The following PIBF1 variants were observed in gnomAD, a reference collection of about 807,000 sequenced individuals.
The protein encoded by PIBF1 is progesterone-induced-blocking factor 1.
Under a neutral mutation model 112.5 loss-of-function variants are expected in PIBF1, and 90 were observed. That is an observed-to-expected ratio of 0.80 (90% CI 0.67 to 0.95). PIBF1 has a LOEUF of 0.95. Ranked by LOEUF, PIBF1 falls within the 40% of genes least tolerant of loss-of-function variation. The probability of loss-of-function intolerance (pLI) is 0.00; values close to 1 mark genes in which losing one functional copy is unlikely to be tolerated. For missense variants in PIBF1, 915 were observed against 852.3 expected, an observed-to-expected ratio of 1.07 and a Z score of -0.92; for synonymous variants, 301 against 288.6, an observed-to-expected ratio of 1.04 and a Z score of -0.44.
chr13:72,919,621 CA>C (rs2041222500), intron 13 of PIBF1, among the ~76,000 whole-genome samples: 1 of 152,096 alleles, frequency 6.6e-6, no homozygotes, highest in Non-Finnish European at 1.5e-5. Flanking sequence ...AGGGAAAGGT[CA>C]TATTCTTTTC....
chr13:72,898,984 C>G (rs2040384755), intron 11 of PIBF1, among the ~76,000 whole-genome samples: 1 of 151,946 alleles, frequency 6.6e-6, no homozygotes, highest in African/African-American at 2.4e-5. Context: ...TTATTCAAGT[C>G]TACTGTGAAT....
chr13:73,013,250 G>C (rs112968136), intron 17 of PIBF1, among the ~76,000 whole-genome samples: 13 of 139,622 alleles, frequency 9.3e-5, no homozygotes, highest in African/African-American at 3.4e-4. Flanking sequence ...GCAGTGAGCC[G>C]AGATCGCGCC....
chr13:72,823,426 A>G (rs2036657286), intron 6 of PIBF1, among the ~76,000 whole-genome samples: 1 of 152,190 alleles, frequency 6.6e-6, no homozygotes, highest in Admixed American at 6.5e-5. Context: ...AAAGCATGAT[A>G]AGCATCTTTA....
chr13:72,931,229 G>A lies in PIBF1; in HGVS notation c.1795G>A (p.Glu599Lys). The part of the protein sequence containing the change: ...KQNSLILKDL[E>K]HRKDQVTQLS... ...AAACTCGCTGATTTTAAAAGATCTG[G>A]AACATCGAAAGGACCAAGTAACACA... Residue 599 changes from glutamate (E) to lysine (K), a missense_variant, in exon 14 of 18, where the codon GAA becomes AAA. Transcript: ENST00000326291. 6.2e-7 allele frequency: 1 copy of A among 1,612,942 alleles called. No individual in the cohort carries two copies. The highest frequency in any genetic ancestry group is 1.1e-5 in the South Asian group (1 of 90,992).
intron 15 of PIBF1, among the ~76,000 whole-genome samples, chr13:72,972,909 A>G (rs2042933616): frequency 6.6e-6 from 1 of 152,194 alleles, no homozygotes; most frequent in South Asian, 2.1e-4. Context: ...TATTACTTTC[A>G]GTTTTAAGGA....
intron 10 of PIBF1, chr13:72,881,224 A>G (rs1348823123): frequency 6.6e-6 from 1 of 151,994 alleles, no homozygotes; most frequent in Non-Finnish European, 1.5e-5. Flanking sequence ...CAATGATAGG[A>G]TCTTCTATTT....
chr13:72,957,284 T>G (rs1283745389), intron 14 of PIBF1, among the ~76,000 whole-genome samples: 1 of 151,864 alleles, frequency 6.6e-6, no homozygotes, highest in Non-Finnish European at 1.5e-5. Context: ...AGTCAATGAG[T>G]GGATAAAGAA....
chr13:72,998,894 A>G lies in PIBF1; in HGVS notation c.2122A>G (p.Lys708Glu), dbSNP rs778390254. Residue 708 changes from lysine to glutamate, a missense_variant, in exon 17 of 18, where the codon AAA (lysine) becomes GAA (glutamate). Coordinates refer to ENST00000326291, the MANE Select transcript of PIBF1 (RefSeq NM_006346.4). ...KHSENSLLLT[K>E]TEPKHVTENQ... ...TTCTGAGAACAGCTTACTTCTCACT[A>G]AAACAGAACCAAAACATGTGACAGA... 2 of 1,612,416 alleles carry G rather than the reference A, an allele frequency of 1.2e-6. No individual in the cohort carries two copies. Among genetic ancestry groups the G allele is most frequent in the Non-Finnish European group, 1.7e-6 (2 of 1,178,700 alleles).
chr13:72,932,765 T>A (rs2041750058), intron 14 of PIBF1, among the ~76,000 whole-genome samples: 1 of 152,254 alleles, frequency 6.6e-6, no homozygotes, highest in African/African-American at 2.4e-5. Context: ...TTTTTACCTT[T>A]GTTTTTAATA....
chr13:72,991,867 C>T (rs141037182), intron 16 of PIBF1, among the ~76,000 whole-genome samples: 1,835 of 152,182 alleles, frequency 0.012, 45 homozygotes, highest in African/African-American at 0.041. Flanking sequence ...TACAGGCGCC[C>T]GCCACCTCGC....
intron 9 of PIBF1, among the ~76,000 whole-genome samples, chr13:72,851,300 G>A (rs544240304): frequency 6.6e-6 from 1 of 152,318 alleles, no homozygotes; most frequent in Admixed American, 6.5e-5. Flanking sequence ...TTCCCCCACG[G>A]GTTCAGAAAT....
At chr13:72,832,063 A>G (rs2037142483) in intron 8 of PIBF1, among the ~76,000 whole-genome samples, 1 of 122,792 alleles carries the variant, frequency 8.1e-6, no homozygotes, top group African/African-American at 3.1e-5. Context: ...TTAGAATTGC[A>G]ATTCCGGCCT....
chr13:72,995,440 TAGAC>T (rs1352165385), intron 16 of PIBF1, among the ~76,000 whole-genome samples: 5 of 151,974 alleles, frequency 3.3e-5, no homozygotes, highest in African/African-American at 1.2e-4. Context: ...GGTGCATAAA[TAGAC>T]AGACTGTAGA....
At chr13:72,924,580 A>C (rs575350782) in intron 13 of PIBF1, among the ~76,000 whole-genome samples, 6 of 152,226 alleles carry the variant, frequency 3.9e-5, no homozygotes, top group Admixed American at 2.0e-4. Flanking sequence ...AAATGAGCCA[A>C]TCACCCTAAT....
intron 10 of PIBF1, among the ~76,000 whole-genome samples, chr13:72,867,589 A>G (rs2038980921): frequency 6.6e-6 from 1 of 152,198 alleles, no homozygotes. Context: ...CTTCACTATT[A>G]CAATGAGCTC....
intron 13 of PIBF1, among the ~76,000 whole-genome samples, chr13:72,927,943 GTGTATATATATATATACACA>G (rs1566457494): frequency 3.4e-4 from 29 of 86,364 alleles, no homozygotes; most frequent in African/African-American, 2.2e-3. Flanking sequence ...TAATATATGT[GTGTATATATATATATACACA>G]TATATATATA....
chr13:72,808,568 A>G (rs578032753), intron 5 of PIBF1, among the ~76,000 whole-genome samples: 3 of 152,292 alleles, frequency 2.0e-5, no homozygotes, highest in South Asian at 2.1e-4. Context: ...TACTCTGTCT[A>G]TTGGGCAGGT....
rs577511753 is a variant in PIBF1 at position 72,964,954 on chromosome 13, C to T, written c.1834-320C>T. Among the ~76,000 whole-genome samples, 365 of 152,058 alleles carry T rather than the reference C, an allele frequency of 2.4e-3. 1 individual carries two copies. The highest frequency in any genetic ancestry group is 8.2e-3 in the African/African-American group (341 of 41,470). ...GCAGGCACCTGTAATCCCAGCTACT[C>T]GGAAAGCTGAGGCAGGAGAATCACT... is the stretch of plus-strand genomic sequence containing the variant. On this transcript the variant is annotated intron_variant, in intron 14 of 17. Coordinates refer to ENST00000326291, the MANE Select transcript of PIBF1 (RefSeq NM_006346.4).
intron 17 of PIBF1, among the ~76,000 whole-genome samples, chr13:73,009,600 G>A (rs971495874): frequency 1.3e-5 from 2 of 152,220 alleles, no homozygotes; most frequent in Non-Finnish European, 2.9e-5. Flanking sequence ...TCCTAAAGGG[G>A]CCAGTCTTCT....
Sources: allele counts gnomAD v4.1 joint callset (sites outside exome capture counted in the v4.1 genomes callset), GRCh38; gene constraint gnomAD v4.1.1; transcripts MANE v1.5; gene names NCBI Gene and HGNC (gene_info 2026-07-23, HGNC 2026-07-21).